STPG2: variants seen among roughly 807,000 people sequenced by gnomAD.
STPG2 encodes sperm tail PG-rich repeat containing 2, also known as sperm-tail PG-rich repeat-containing protein 2.
STPG2 carries 56 observed loss-of-function variants against 54.2 expected under a neutral mutation model. That is an observed-to-expected ratio of 1.03 (90% CI 0.83 to 1.29). The LOEUF is 1.29. Among genes scored for constraint, STPG2 ranks in the 50% most tolerant of loss-of-function variants. The pLI, the probability that STPG2 is intolerant of heterozygous loss-of-function variation, is 0.00. For missense variants in STPG2, 596 were observed against 544.9 expected, an observed-to-expected ratio of 1.09 and a Z score of -0.93; for synonymous variants, 200 against 181.8, an observed-to-expected ratio of 1.10 and a Z score of -0.81.
At chr4:97,783,909 G>A (rs192390654) in intron 9 of STPG2, among the ~76,000 whole-genome samples, 39 of 151,910 alleles carry the variant, frequency 2.6e-4, no homozygotes, top group African/African-American at 8.5e-4. Flanking sequence ...CACACACTGC[G>A]GCCAGTCATG....
chr4:97,472,886 AT>A (rs1339916691), intron 4 of STPG2, among the ~76,000 whole-genome samples: 1 of 152,220 alleles, frequency 6.6e-6, no homozygotes, highest in Non-Finnish European at 1.5e-5. Flanking sequence ...AAGAACATAG[AT>A]TGTGAAAGAT....
intron 4 of STPG2, among the ~76,000 whole-genome samples, chr4:97,521,844 G>T (rs1426082140): frequency 6.6e-6 from 1 of 151,936 alleles, no homozygotes; most frequent in African/African-American, 2.4e-5. Flanking sequence ...GCCCTGTGAT[G>T]CATGCTTGTA....
At chr4:98,007,669 C>G (rs920290037) in intron 5 of STPG2, among the ~76,000 whole-genome samples, 2 of 151,360 alleles carry the variant, frequency 1.3e-5, no homozygotes, top group African/African-American at 4.9e-5. Flanking sequence ...TAATGAAACT[C>G]AATGAGATCC....
chr4:97,860,751 T>G (rs1729503975), intron 8 of STPG2, among the ~76,000 whole-genome samples: 2 of 152,060 alleles, frequency 1.3e-5, no homozygotes, highest in Non-Finnish European at 2.9e-5. Flanking sequence ...TTTTTATCAA[T>G]TTAGATGCAT....
intron 9 of STPG2, among the ~76,000 whole-genome samples, chr4:97,753,838 C>A (rs1449684599): frequency 6.6e-6 from 1 of 151,572 alleles, no homozygotes; most frequent in Non-Finnish European, 1.5e-5. Context: ...TGTCTCCTGC[C>A]CATTTTCTTA....
chr4:97,918,550 A>T (rs542592515), intron 8 of STPG2, among the ~76,000 whole-genome samples: 1 of 147,018 alleles, frequency 6.8e-6, no homozygotes, highest in Non-Finnish European at 1.5e-5. Flanking sequence ...TTCACCAGGA[A>T]ATAAATAAAT....
At chr4:97,725,304 G>C (rs1459157999) in intron 9 of STPG2, among the ~76,000 whole-genome samples, 1 of 150,014 alleles carries the variant, frequency 6.7e-6, no homozygotes, top group Non-Finnish European at 1.5e-5. Context: ...TTTTTTTTTA[G>C]TGCACCCAAA....
intron 5 of STPG2, among the ~76,000 whole-genome samples, chr4:98,097,398 G>T (rs1468160861): frequency 6.6e-6 from 1 of 152,190 alleles, no homozygotes; most frequent in Non-Finnish European, 1.5e-5. Flanking sequence ...TTCAATTGAT[G>T]CTGAAAAAAC....
intron 8 of STPG2, among the ~76,000 whole-genome samples, chr4:97,894,698 G>A (rs539645711): frequency 6.6e-5 from 10 of 151,854 alleles, no homozygotes; most frequent in South Asian, 4.2e-4. Context: ...ACTAGTTTAC[G>A]TGTCTAAATT....
rs761724710 is a variant in STPG2, at chr4:97,981,320, T to C, written c.613-2A>G. 3 of 1,613,418 alleles carry C rather than the reference T, an allele frequency of 1.9e-6. No individual in the cohort carries two copies. The highest frequency in any genetic ancestry group is 2.5e-6 in the Non-Finnish European group (3 of 1,179,666). On this transcript the variant is annotated splice_acceptor_variant, in intron 5 of 10. Transcript: ENST00000295268. LOFTEE classifies it high-confidence loss of function. ...GATTGATTTCATAGGTAAAAATCTC[T>C]AGTGAAGAACAGGAAAATATGCCAA...
chr4:97,562,141 T>G (rs1214247678), intron 10 of STPG2, among the ~76,000 whole-genome samples: 3 of 152,168 alleles, frequency 2.0e-5, no homozygotes, highest in African/African-American at 7.2e-5. Context: ...TAGTTCTCCT[T>G]GAAGAGGTCC....
intron 4 of STPG2, among the ~76,000 whole-genome samples, chr4:97,520,138 G>A (rs1305396284): frequency 6.6e-6 from 1 of 152,046 alleles, no homozygotes; most frequent in Admixed American, 6.6e-5. Context: ...CAAGGACAAT[G>A]GAATGGTTAT....
chr4:97,535,426 A>G (rs12646348), intron 4 of STPG2, among the ~76,000 whole-genome samples: 1 of 152,104 alleles, frequency 6.6e-6, no homozygotes, highest in Non-Finnish European at 1.5e-5. Flanking sequence ...CATTTAGCCT[A>G]TCTTTGAGTC....
In STPG2 at chr4:97,899,236, A is replaced by G. The variant is rs549603825; in HGVS notation, c.1044+44661T>C. Among the ~76,000 whole-genome samples the G allele has an allele frequency of 2.6e-5, 4 of 152,094 alleles. No homozygotes were observed. The East Asian group carries it at 7.7e-4, about 29-fold the overall frequency. The stretch of plus-strand genomic sequence containing the variant: ...TCTTATTTACAATTGCCACAAAAAG[A>G]ATAAAATAACAAGGAATACAACTAA... On this transcript the variant is annotated intron_variant, in intron 8 of 10. Coordinates refer to ENST00000295268, the MANE Select transcript of STPG2 (RefSeq NM_174952.3).
At chr4:97,968,340 G>C (rs1734194196) in intron 7 of STPG2, among the ~76,000 whole-genome samples, 1 of 152,118 alleles carries the variant, frequency 6.6e-6, no homozygotes, top group African/African-American at 2.4e-5. Flanking sequence ...TGGATTCACA[G>C]CCGAATTCTA....
chr4:97,474,926 A>C (rs567030283), intron 4 of STPG2, among the ~76,000 whole-genome samples: 8 of 152,204 alleles, frequency 5.3e-5, no homozygotes, highest in African/African-American at 1.9e-4. Context: ...AGTATATATA[A>C]TTCTTTAACA....
intron 3 of STPG2, among the ~76,000 whole-genome samples, chr4:98,122,972 G>A (rs1739723091): frequency 6.6e-6 from 1 of 152,108 alleles, no homozygotes; most frequent in Non-Finnish European, 1.5e-5. Flanking sequence ...GATTTTTGTA[G>A]TTCATTTGCA....
chr4:97,636,082 T>C (rs963953323), intron 10 of STPG2, among the ~76,000 whole-genome samples: 17 of 152,002 alleles, frequency 1.1e-4, no homozygotes, highest in African/African-American at 3.1e-4. Flanking sequence ...ATTGACCACA[T>C]ACTTGGAAGT....
At position 97,508,285 on chromosome 4, in the gene STPG2, C is replaced by T. The variant is rs1730896168; in HGVS notation, c.462+204414G>A. 2.6e-5 allele frequency among the ~76,000 whole-genome samples: 4 copies of T among 151,946 alleles called. No individual in the cohort carries two copies. In the South Asian group the frequency reaches 8.3e-4, roughly 31 times the overall value. ...GAATTGGTCTATTTAAAAAAAGATA[C>T]ACACTATTTTCAGGTGTACATGGAA... On this transcript the variant is annotated intron_variant, in intron 4 of 4. Coordinates refer to the STPG2 transcript ENST00000522676.
Sources: gnomAD v4.1 joint callset for allele counts (sites outside exome capture counted in the v4.1 genomes callset) on GRCh38, gnomAD v4.1.1 for gene constraint, MANE v1.5 for transcripts, NCBI Gene and HGNC (gene_info 2026-07-23, HGNC 2026-07-21) for gene names.